Variants in LARGE1 observed in about 807,000 individuals in gnomAD.
LARGE1 encodes the protein LARGE xylosyl- and glucuronyltransferase 1.
A neutral mutation model predicts 87.6 loss-of-function variants in LARGE1; 43 were observed. The observed-to-expected ratio is 0.49, with a 90% CI of 0.38 to 0.63. The LOEUF (loss-of-function observed/expected upper bound fraction) is 0.63. Ranked by LOEUF, LARGE1 falls within the 30% of genes least tolerant of loss-of-function variation. LARGE1 has a pLI of 0.00. For synonymous variants in LARGE1, 434 were observed against 394.6 expected, an observed-to-expected ratio of 1.10 and a Z score of -1.18; for missense variants, 802 against 1,000.2, an observed-to-expected ratio of 0.80 and a Z score of 2.67.
chr22:33,260,374 C>G (rs1439083071), intron 11 of LARGE1, among the ~76,000 whole-genome samples: 1 of 152,236 alleles, frequency 6.6e-6, no homozygotes, highest in African/African-American at 2.4e-5. Flanking sequence ...TCTGAGAAAT[C>G]CCACTTGAAA....
chr22:33,352,943 G>A (rs1243040034), intron 9 of LARGE1, among the ~76,000 whole-genome samples: 1 of 152,184 alleles, frequency 6.6e-6, no homozygotes, highest in Non-Finnish European at 1.5e-5. Flanking sequence ...AATAAGACAA[G>A]CTGATGTGAA....
intron 6 of LARGE1, among the ~76,000 whole-genome samples, chr22:33,545,886 G>T (rs534174089): frequency 9.2e-4 from 140 of 152,288 alleles, no homozygotes; most frequent in African/African-American, 3.3e-3. Context: ...AGGTGCCCTG[G>T]ACACCCATTT....
chr22:33,745,347 T>C (rs1014365916), intron 2 of LARGE1, among the ~76,000 whole-genome samples: 1 of 152,062 alleles, frequency 6.6e-6, no homozygotes, highest in Non-Finnish European at 1.5e-5. Flanking sequence ...TGATCTTTGC[T>C]TATCCGCCCC....
rs10590542 is a variant in LARGE1, at chr22:33,570,646, CAAAAAAAAA to C, written c.616-5636_616-5628del. On this transcript the variant is annotated intron_variant, in intron 5 of 14. Coordinates refer to ENST00000397394, the MANE Select transcript of LARGE1 (RefSeq NM_133642.5). ...CTGGCAATGGAGCGAGACTCCATTT[CAAAAAAAAA>C]AAAAAAAAAAAAAAATCACAAGCTG... Among the ~76,000 whole-genome samples, 9 of 80,896 alleles carry C rather than the reference CAAAAAAAAA, an allele frequency of 1.1e-4. 1 individual carries two copies. Among genetic ancestry groups the C allele is most frequent in the Admixed American group, 2.9e-4 (2 of 6,860 alleles). 53.1% of individuals were successfully genotyped at this position (80,896 alleles called of 152,430 possible).
chr22:33,278,977 C>T (rs960522252), intron 13 of LARGE1, among the ~76,000 whole-genome samples: 4 of 152,206 alleles, frequency 2.6e-5, no homozygotes, highest in Non-Finnish European at 5.9e-5. Flanking sequence ...CTTGGCCTCC[C>T]ACAGTGCTGG....
the LARGE1 span, among the ~76,000 whole-genome samples, chr22:33,076,647 G>A: frequency 6.6e-6 from 1 of 152,140 alleles, no homozygotes. Flanking sequence ...AGCTGGAAGA[G>A]GGAAAGGTAA....
At chr22:33,386,063 T>C (rs2065313634) in intron 7 of LARGE1, among the ~76,000 whole-genome samples, 3 of 148,678 alleles carry the variant, frequency 2.0e-5, no homozygotes, top group African/African-American at 7.3e-5. Context: ...TATGGGAAGA[T>C]TGGGTTAATA....
chr22:33,357,534 C>T (rs1038296710), intron 9 of LARGE1, among the ~76,000 whole-genome samples: 4 of 152,038 alleles, frequency 2.6e-5, no homozygotes, highest in African/African-American at 9.7e-5. Context: ...GTGGCTCATA[C>T]CTGTAATCCC....
At chr22:33,222,490 G>C (rs886194846) in intron 11 of LARGE1, among the ~76,000 whole-genome samples, 3 of 152,152 alleles carry the variant, frequency 2.0e-5, no homozygotes, top group Admixed American at 2.0e-4. Flanking sequence ...TGGAGAAAAG[G>C]TCTTTGCAAT....
chr22:33,708,079 C>A (rs1303001126), intron 2 of LARGE1, among the ~76,000 whole-genome samples: 1 of 152,114 alleles, frequency 6.6e-6, no homozygotes, highest in Non-Finnish European at 1.5e-5. Flanking sequence ...CCAGAAGGAC[C>A]CTTAGGGAAA....
the LARGE1 span, among the ~76,000 whole-genome samples, chr22:33,096,560 GTTTTTGTTT>G: frequency 0.24 from 30,488 of 127,192 alleles, 2,868 homozygotes; most frequent in Middle Eastern, 0.29. Flanking sequence ...GTTTGTTTTT[GTTTTTGTTT>G]TTTTTTTTTT....
chr22:33,275,089 G>C (rs1339995524), intron 14 of LARGE1, among the ~76,000 whole-genome samples: 1 of 151,314 alleles, frequency 6.6e-6, no homozygotes, highest in Non-Finnish European at 1.5e-5. Context: ...CAACAGATGA[G>C]TGCAAAAGAG....
At chr22:33,151,371 T>C in the LARGE1 span, among the ~76,000 whole-genome samples, 4 of 152,210 alleles carry the variant, frequency 2.6e-5, no homozygotes, top group Non-Finnish European at 5.9e-5. Context: ...GAAATTTTAA[T>C]ATAGACAATT....
chr22:33,713,429 G>C (rs557351414), intron 2 of LARGE1, among the ~76,000 whole-genome samples: 1 of 152,246 alleles, frequency 6.6e-6, no homozygotes, highest in South Asian at 2.1e-4. Flanking sequence ...TGGCTACTGG[G>C]AAGCACATCA....
At chr22:33,858,168 G>A (rs2063810130) in intron 1 of LARGE1, among the ~76,000 whole-genome samples, 1 of 152,236 alleles carries the variant, frequency 6.6e-6, no homozygotes, top group Non-Finnish European at 1.5e-5. Context: ...TAGCTGTGCA[G>A]GAACAACGGC....
At chr22:33,817,647 C>T (rs1477289410) in intron 1 of LARGE1, among the ~76,000 whole-genome samples, 1 of 152,066 alleles carries the variant, frequency 6.6e-6, no homozygotes, top group Non-Finnish European at 1.5e-5. Context: ...TCGAACTGGA[C>T]TCAGCTGCCT....
intron 1 of LARGE1, among the ~76,000 whole-genome samples, chr22:33,872,623 C>G (rs1021010235): frequency 2.6e-5 from 4 of 152,062 alleles, no homozygotes; most frequent in Non-Finnish European, 5.9e-5. Context: ...AGACCAAACG[C>G]TAAGTGTAGG....
chr22:33,464,883 GCA>G (rs59812925), intron 6 of LARGE1, among the ~76,000 whole-genome samples: 24,267 of 127,034 alleles, frequency 0.19, 2,237 homozygotes, highest in East Asian at 0.29. Flanking sequence ...GCACACACAT[GCA>G]CACACATACA....
intron 1 of LARGE1, among the ~76,000 whole-genome samples, chr22:33,829,022 T>TG (rs1031475659): frequency 1.4e-5 from 2 of 146,578 alleles, no homozygotes; most frequent in African/African-American, 5.1e-5. Context: ...TTTTTTTTTT[T>TG]TTTTTTGAGA....
Sources: gnomAD v4.1 joint callset for allele counts (sites outside exome capture counted in the v4.1 genomes callset) on GRCh38, gnomAD v4.1.1 for gene constraint, MANE v1.5 for transcripts, NCBI Gene and HGNC (gene_info 2026-07-23, HGNC 2026-07-21) for gene names.